Variants in HELZ observed in about 807,000 individuals in gnomAD.
The protein encoded by HELZ is ATP-dependent RNA helicase with zinc finger domain.
HELZ carries 23 observed loss-of-function variants against 218.2 expected under a neutral mutation model. The ratio of observed to expected loss-of-function variants is 0.11; its 90% CI spans 0.08 to 0.15. HELZ has a LOEUF of 0.15. HELZ is among the 10% of genes least tolerant of loss of function. The pLI is 1.00. For missense variants in HELZ, 1,813 were observed against 2,353.7 expected (o/e 0.77, Z 4.75); for synonymous variants, 814 against 829.4 (o/e 0.98, Z 0.32).
intron 7 of HELZ, among the ~76,000 whole-genome samples, chr17:67,197,967 C>CA (rs1051607331): frequency 1.1e-4 from 16 of 150,916 alleles, no homozygotes; most frequent in African/African-American, 2.9e-4. Context: ...TTCTACGCTG[C>CA]AAAAAAAATT....
At chr17:67,228,315 T>C (rs909599592) in intron 3 of HELZ, among the ~76,000 whole-genome samples, 2 of 152,102 alleles carry the variant, frequency 1.3e-5, no homozygotes, top group African/African-American at 2.4e-5. Context: ...CTAGAAAAAA[T>C]TGGATATCCA....
chr17:67,132,423 T>G (rs2038016398), intron 23 of HELZ, among the ~76,000 whole-genome samples: 1 of 152,356 alleles, frequency 6.6e-6, no homozygotes, highest in African/African-American at 2.4e-5. Flanking sequence ...CAGATTTATC[T>G]GAGCATATCC....
rs10692832 is a variant in HELZ, at chr17:67,212,314, C to CAAAAAAAAAAAAAAAAAAAAAAAAA, written c.247+3584_247+3585insTTTTTTTTTTTTTTTTTTTTTTTTT. 4.2e-4 allele frequency among the ~76,000 whole-genome samples: 9 copies of CAAAAAAAAAAAAAAAAAAAAAAAAA among 21,406 alleles called. 4 individuals are homozygous for CAAAAAAAAAAAAAAAAAAAAAAAAA. Among genetic ancestry groups the CAAAAAAAAAAAAAAAAAAAAAAAAA allele is most frequent in the Admixed American group, 1.2e-3 (1 of 822 alleles). The allele number at this position is 21,406 out of a possible 152,430, so 14.0% of individuals were successfully genotyped here. ...TGGGCGACAGGGAGAGACACCATCT[C>CAAAAAAAAAAAAAAAAAAAAAAAAA]AAAAAAAAAAAAAAAAAAAAAGGCT... On this transcript the variant is annotated intron_variant, in intron 5 of 32. Coordinates refer to ENST00000358691, the MANE Select transcript of HELZ (RefSeq NM_014877.4).
intron 31 of HELZ, among the ~76,000 whole-genome samples, chr17:67,089,634 T>A (rs1270819266): frequency 7.1e-6 from 1 of 141,066 alleles, no homozygotes; most frequent in Non-Finnish European, 1.5e-5. Context: ...TAAAATTAGA[T>A]CTATTGGAGA....
intron 27 of HELZ, among the ~76,000 whole-genome samples, chr17:67,117,110 C>A (rs1374497378): frequency 1.3e-5 from 2 of 152,210 alleles, no homozygotes; most frequent in Non-Finnish European, 2.9e-5. Context: ...TCACCTCAGC[C>A]TCCCAAAGGG....
At position 67,171,839 on chromosome 17, in the gene HELZ, T is replaced by G. The variant is rs117999246; in HGVS notation, c.1431-4043A>C. On this transcript the variant is annotated intron_variant, in intron 13 of 32. Coordinates refer to ENST00000358691, the MANE Select transcript of HELZ (RefSeq NM_014877.4). ...TCCTCCTTCTTTTGTTTTGTTTTGT[T>G]TTTTTTTTTGAGACGGAGTTTCACT... is the stretch of plus-strand genomic sequence containing the variant. Among the ~76,000 whole-genome samples the G allele has an allele frequency of 9.7e-4, 124 of 127,718 alleles. 1 individual carries two copies. The East Asian group carries it at 0.021, about 22-fold the overall frequency. 83.8% of individuals were successfully genotyped at this position (127,718 alleles called of 152,430 possible). A position where few individuals can be genotyped will look rare whatever the true frequency, so the allele number is the denominator to read the frequency against.
chr17:67,119,004 A>G (rs997683359), intron 27 of HELZ, among the ~76,000 whole-genome samples: 3 of 152,172 alleles, frequency 2.0e-5, no homozygotes, highest in African/African-American at 4.8e-5. Flanking sequence ...AAAAAGACTG[A>G]GCATACCAAG....
At chr17:67,084,379 G>C (rs1186690869) in intron 32 of HELZ, among the ~76,000 whole-genome samples, 3 of 152,136 alleles carry the variant, frequency 2.0e-5, no homozygotes, top group Non-Finnish European at 4.4e-5. Context: ...AAAAAAGAAA[G>C]AGGCCGGGCG....
At chr17:67,084,726 A>C (rs2036310044) in intron 32 of HELZ, among the ~76,000 whole-genome samples, 1 of 152,162 alleles carries the variant, frequency 6.6e-6, no homozygotes, top group Non-Finnish European at 1.5e-5. Flanking sequence ...AAATTATAAT[A>C]AACAAAACCA....
chr17:67,218,676 G>A lies in HELZ; in HGVS notation c.129C>T (p.Asp43=), dbSNP rs1221046814. 1 of 1,614,054 alleles carries A rather than the reference G, an allele frequency of 6.2e-7. No individual in the cohort carries two copies. Among genetic ancestry groups the A allele is most frequent in the African/African-American group, 1.3e-5 (1 of 74,928 alleles). The stretch of plus-strand genomic sequence containing the variant: ...TTTCCAATGGACAAGGCCCTGTGAA[G>A]TCTGCCATGGAGTACTGGCCAAGAG... ...LLSLGQYSMA[D]FTGPCPLEIE... is the part of the protein sequence containing the mutation. Residue 43 remains aspartate (D), a synonymous_variant, in exon 4 of 33, where the codon GAC becomes GAT. Coordinates refer to ENST00000358691, the MANE Select transcript of HELZ (RefSeq NM_014877.4).
intron 6 of HELZ, among the ~76,000 whole-genome samples, chr17:67,202,192 G>A (rs559232333): frequency 6.6e-6 from 1 of 151,266 alleles, no homozygotes; most frequent in East Asian, 1.9e-4. Context: ...TATGATTCTT[G>A]AAAATTATCA....
intron 3 of HELZ, among the ~76,000 whole-genome samples, chr17:67,228,922 T>C (rs2040964406): frequency 6.6e-6 from 1 of 152,160 alleles, no homozygotes; most frequent in Admixed American, 6.5e-5. Flanking sequence ...GTCTCTGTGT[T>C]GGTGAGGCTG....
At chr17:67,165,318 A>T (rs1176131156) in intron 15 of HELZ, among the ~76,000 whole-genome samples, 1 of 152,214 alleles carries the variant, frequency 6.6e-6, no homozygotes, top group South Asian at 2.1e-4. Context: ...TAGGACCAGA[A>T]GAAATGGAAT....
chr17:67,183,297 TTCTC>T (rs2039662976), intron 12 of HELZ, among the ~76,000 whole-genome samples: 1 of 152,196 alleles, frequency 6.6e-6, no homozygotes, highest in South Asian at 2.1e-4. Flanking sequence ...CTGTCCCTAT[TTCTC>T]TCTCTGAAAG....
chr17:67,224,995 T>G, intron 3 of HELZ: 1 of 694,922 alleles, frequency 1.4e-6, no homozygotes, highest in Non-Finnish European at 2.7e-6. Context: ...TGCAAGCATT[T>G]TGAACTGGAA....
chr17:67,214,058 A>C (rs975757087), intron 5 of HELZ, among the ~76,000 whole-genome samples: 1 of 152,054 alleles, frequency 6.6e-6, no homozygotes, highest in African/African-American at 2.4e-5. Flanking sequence ...TGGGGGAAGG[A>C]TAAATTTTTC....
intron 31 of HELZ, among the ~76,000 whole-genome samples, chr17:67,095,902 C>T (rs541047759): frequency 3.3e-5 from 5 of 152,230 alleles, no homozygotes; most frequent in Non-Finnish European, 7.4e-5. Context: ...TTTACTTTGT[C>T]CAGATCCATC....
intron 12 of HELZ, among the ~76,000 whole-genome samples, chr17:67,185,401 G>C (rs1223853459): frequency 6.6e-6 from 1 of 151,968 alleles, no homozygotes; most frequent in East Asian, 1.9e-4. Context: ...AATTCTGTTA[G>C]GACTCTCCAC....
Position 67,073,459 on chromosome 17 carries a change from G to A in HELZ, c.*4793C>T, listed in dbSNP as rs1041964594. The A allele has an allele frequency of 3.9e-5, 6 of 152,490 alleles. No individual in the cohort carries two copies. Among genetic ancestry groups the A allele is most frequent in the African/African-American group, 9.7e-5 (4 of 41,420 alleles). The allele number at this position is 152,490 out of a possible 1,614,324, so 9.4% of individuals were successfully genotyped here. On this transcript the variant is annotated 3_prime_UTR_variant, in exon 33 of 33. Transcript: ENST00000358691. ...CTCTGTTGAACAAATTGCAAATAAA[G>A]TCTGGTCTAATACTCTGATAACTGA...
Sources: gnomAD v4.1 joint callset for allele counts (sites outside exome capture counted in the v4.1 genomes callset) on GRCh38, gnomAD v4.1.1 for gene constraint, MANE v1.5 for transcripts, NCBI Gene and HGNC (gene_info 2026-07-23, HGNC 2026-07-21) for gene names.